EBF1: variants seen among roughly 807,000 people sequenced by gnomAD.
EBF1 encodes transcription factor COE1.
EBF1 carries 10 observed loss-of-function variants against 68.4 expected under a neutral mutation model. The observed-to-expected ratio is 0.15, with a 90% confidence interval of 0.09 to 0.25. The LOEUF is 0.25. Ranked by LOEUF, EBF1 falls within the 10% of genes least tolerant of loss-of-function variation. The pLI is 1.00. For synonymous variants in EBF1, 298 were observed against 299.8 expected, an observed-to-expected ratio of 0.99 and a Z score of 0.06; for missense variants, 509 against 794.4, an observed-to-expected ratio of 0.64 and a Z score of 4.32.
chr5:159,021,141 T>A (rs1766599960), intron 6 of EBF1, among the ~76,000 whole-genome samples: 1 of 152,220 alleles, frequency 6.6e-6, no homozygotes, highest in Non-Finnish European at 1.5e-5. Flanking sequence ...CTCTGCAACT[T>A]CCTTACTTCA....
At chr5:158,755,447 C>T (rs1298688050) in intron 10 of EBF1, among the ~76,000 whole-genome samples, 1 of 152,084 alleles carries the variant, frequency 6.6e-6, no homozygotes, top group Non-Finnish European at 1.5e-5. Flanking sequence ...TTGCTCTGCA[C>T]CTGTCTCCTA....
intron 6 of EBF1, among the ~76,000 whole-genome samples, chr5:159,019,700 A>T (rs1212164007): frequency 6.6e-6 from 1 of 152,198 alleles, no homozygotes; most frequent in Non-Finnish European, 1.5e-5. Context: ...TCTCACTAAG[A>T]AGTGTCTCAT....
intron 8 of EBF1, among the ~76,000 whole-genome samples, chr5:158,813,273 C>A (rs1035796031): frequency 2.6e-5 from 4 of 152,152 alleles, no homozygotes; most frequent in Non-Finnish European, 4.4e-5. Context: ...AAACACACAA[C>A]CATTAAAAAT....
intron 6 of EBF1, among the ~76,000 whole-genome samples, chr5:158,925,096 C>A (rs1365906450): frequency 6.6e-6 from 1 of 152,104 alleles, no homozygotes; most frequent in African/African-American, 2.4e-5. Flanking sequence ...GTTCCCACTG[C>A]CTGAAATAGT....
chr5:158,959,493 T>C (rs1386924954), intron 6 of EBF1, among the ~76,000 whole-genome samples: 2 of 152,150 alleles, frequency 1.3e-5, no homozygotes, highest in Non-Finnish European at 2.9e-5. Context: ...GGTTTCACCA[T>C]GTTGACCAAG....
chr5:158,873,891 TA>T (rs1390823132), intron 6 of EBF1, among the ~76,000 whole-genome samples: 1 of 152,194 alleles, frequency 6.6e-6, no homozygotes, highest in African/African-American at 2.4e-5. Context: ...CCACCAGCAG[TA>T]TGCAGATCAA....
chr5:158,774,857 A>G (rs1170212536), intron 10 of EBF1, among the ~76,000 whole-genome samples: 1 of 152,122 alleles, frequency 6.6e-6, no homozygotes, highest in East Asian at 1.9e-4. Flanking sequence ...TTCATCAGAA[A>G]TGATGTGATG....
intron 6 of EBF1, among the ~76,000 whole-genome samples, chr5:158,920,969 G>A (rs1056742867): frequency 1.3e-5 from 2 of 152,220 alleles, no homozygotes; most frequent in African/African-American, 4.8e-5. Flanking sequence ...AGCCATATGG[G>A]AACCTAGCTT....
intron 6 of EBF1, among the ~76,000 whole-genome samples, chr5:159,048,779 T>C (rs1427882216): frequency 6.6e-6 from 1 of 152,204 alleles, no homozygotes; most frequent in African/African-American, 2.4e-5. Flanking sequence ...AAGCCAGCCA[T>C]TTCAGGATCC....
intron 6 of EBF1, among the ~76,000 whole-genome samples, chr5:158,865,227 A>G (rs553949208): frequency 8.5e-5 from 13 of 152,240 alleles, no homozygotes; most frequent in African/African-American, 3.1e-4. Context: ...TGATTAGCCA[A>G]CACCCCTCCT....
At chr5:158,825,376 A>T (rs146428415) in intron 7 of EBF1, among the ~76,000 whole-genome samples, 1 of 152,152 alleles carries the variant, frequency 6.6e-6, no homozygotes, top group African/African-American at 2.4e-5. Flanking sequence ...TGAGACCACA[A>T]TTGAGCGGTC....
chr5:159,019,876 A>G (rs1334116564), intron 6 of EBF1, among the ~76,000 whole-genome samples: 1 of 152,006 alleles, frequency 6.6e-6, no homozygotes, highest in Non-Finnish European at 1.5e-5. Context: ...TCAGTTTTTC[A>G]TCTTGCACCC....
chr5:158,895,438 T>C (rs940714011), intron 6 of EBF1, among the ~76,000 whole-genome samples: 1 of 152,156 alleles, frequency 6.6e-6, no homozygotes, highest in Non-Finnish European at 1.5e-5. Context: ...AATACTAATA[T>C]CAGTGGACAT....
intron 6 of EBF1, among the ~76,000 whole-genome samples, chr5:158,930,282 T>C (rs1810587551): frequency 6.6e-6 from 1 of 152,048 alleles, no homozygotes; most frequent in African/African-American, 2.4e-5. Context: ...GTTTGTTTTT[T>C]TTTGGTTGTT....
At chr5:158,717,597 T>C (rs1761022198) in intron 11 of EBF1, among the ~76,000 whole-genome samples, 1 of 152,066 alleles carries the variant, frequency 6.6e-6, no homozygotes, top group African/African-American at 2.4e-5. Context: ...AGAGTGGATA[T>C]TAGACAATTC....
At chr5:158,975,520 G>A (rs953052870) in intron 6 of EBF1, among the ~76,000 whole-genome samples, 4 of 152,090 alleles carry the variant, frequency 2.6e-5, no homozygotes, top group African/African-American at 9.7e-5. Context: ...AGTTGGGAGT[G>A]AAATGAAAGA....
intron 6 of EBF1, among the ~76,000 whole-genome samples, chr5:159,029,849 G>C (rs1189990220): frequency 6.6e-6 from 1 of 151,882 alleles, no homozygotes; most frequent in Non-Finnish European, 1.5e-5. Flanking sequence ...AGCTACTCAG[G>C]AGGCTGAGGC....
chr5:159,094,680 T>C (rs967165484), intron 4 of EBF1, among the ~76,000 whole-genome samples: 3 of 152,228 alleles, frequency 2.0e-5, no homozygotes, highest in Admixed American at 6.5e-5. Flanking sequence ...TAAATTTTAA[T>C]CCTCTTGCTA....
intron 7 of EBF1, among the ~76,000 whole-genome samples, chr5:158,828,963 T>C (rs1034941954): frequency 2.0e-5 from 3 of 152,152 alleles, no homozygotes; most frequent in Middle Eastern, 3.2e-3. Context: ...TGATTCCAAC[T>C]ATACGATATT....
Sources: gnomAD v4.1 joint callset for allele counts (sites outside exome capture counted in the v4.1 genomes callset) on GRCh38, gnomAD v4.1.1 for gene constraint, MANE v1.5 for transcripts, NCBI Gene and HGNC (gene_info 2026-07-23, HGNC 2026-07-21) for gene names.